The following MILR1 variants were observed in gnomAD, a reference collection of about 807,000 sequenced individuals.
MILR1 encodes the protein allergin-1.
Under a neutral mutation model 18.5 loss-of-function variants are expected in MILR1, and 31 were observed. That is an observed-to-expected ratio of 1.68 (90% CI 1.26 to 2.26). The LOEUF is 2.26. Ranked by LOEUF, MILR1 falls within the 30% of genes most tolerant of loss-of-function variation. The pLI, the probability that MILR1 is intolerant of heterozygous loss-of-function variation, is 0.00. For missense variants in MILR1, 257 were observed against 157.4 expected, an observed-to-expected ratio of 1.63 and a Z score of -3.38; for synonymous variants, 85 against 56.2, an observed-to-expected ratio of 1.51 and a Z score of -2.30.
chr17:64,481,375 T>C, the MILR1 span: 1 of 985,366 alleles, frequency 1.0e-6, no homozygotes, highest in Non-Finnish European at 1.2e-6. Context: ...TTTAAATCTT[T>C]TTAGTGTCCG....
chr17:64,487,361 C>T, the MILR1 span: 1 of 152,134 alleles, frequency 6.6e-6, no homozygotes. Context: ...TGCCTGTAAT[C>T]CCAGCACATC....
chr17:64,467,829 G>A, intron 9 of MILR1, 184 bp downstream of exon 9: 1 of 440,962 alleles, frequency 2.3e-6, no homozygotes, highest in Non-Finnish European at 4.1e-6. Flanking sequence ...CAGCTACTCG[G>A]GAGGCTGAGG....
At chr17:64,471,550 C>A (rs2037687294), downstream of MILR1, among the ~76,000 whole-genome samples, 1 of 152,140 alleles carries the variant, frequency 6.6e-6, no homozygotes, top group Non-Finnish European at 1.5e-5. Flanking sequence ...GTGAGTAGAC[C>A]CTCAGATGCT....
the MILR1 span, chr17:64,492,739 C>T: frequency 6.2e-7 from 1 of 1,613,010 alleles, no homozygotes; most frequent in Non-Finnish European, 8.5e-7. Context: ...GAGGAGTAAA[C>T]CATACTAACG....
the MILR1 span, chr17:64,485,809 G>A: frequency 1.2e-6 from 2 of 1,612,528 alleles, no homozygotes; most frequent in Non-Finnish European, 1.7e-6. Context: ...GCATGCCTCG[G>A]TCTAGGTCCC....
chr17:64,466,564 A>G (rs782521490), intron 7 of MILR1, 30 bp from the exon 8 acceptor site: 7 of 1,611,194 alleles, frequency 4.3e-6, no homozygotes, highest in South Asian at 3.3e-5. Flanking sequence ...TAATTGGCCC[A>G]ATAATTCCTA....
chr17:64,451,183 GC>G (rs2037163756), intron 2 of MILR1, among the ~76,000 whole-genome samples: 1 of 150,572 alleles, frequency 6.6e-6, no homozygotes, highest in African/African-American at 2.4e-5. Context: ...CTGCTCTGTC[GC>G]CCAGGCTGGA....
chr17:64,486,361 C>CTT, the MILR1 span, among the ~76,000 whole-genome samples: 42 of 141,302 alleles, frequency 3.0e-4, no homozygotes, highest in African/African-American at 7.7e-4. Flanking sequence ...AAAGGTAACA[C>CTT]TTTTTTTTTT....
the MILR1 span, among the ~76,000 whole-genome samples, chr17:64,481,869 C>T: frequency 1.1e-4 from 17 of 149,378 alleles, no homozygotes; most frequent in Admixed American, 6.7e-4. Flanking sequence ...AGCAAGACTC[C>T]GTCTCAAAAT....
At chr17:64,472,536 T>C (rs1373177245), downstream of MILR1, among the ~76,000 whole-genome samples, 1 of 95,362 alleles carries the variant, frequency 1.0e-5, no homozygotes, top group African/African-American at 3.8e-5. Flanking sequence ...TGTTGCATAA[T>C]AACATTTCAG....
the MILR1 span, among the ~76,000 whole-genome samples, chr17:64,493,877 T>C: frequency 6.6e-6 from 1 of 152,218 alleles, no homozygotes; most frequent in Non-Finnish European, 1.5e-5. Flanking sequence ...TCATCAATTA[T>C]CAACATTTTG....
chr17:64,482,185 C>T, the MILR1 span, among the ~76,000 whole-genome samples: 3 of 147,416 alleles, frequency 2.0e-5, no homozygotes, highest in Non-Finnish European at 4.5e-5. Context: ...CTCACTGCAA[C>T]CTCCACCTCC....
chr17:64,490,638 G>C, the MILR1 span: 1 of 650,316 alleles, frequency 1.5e-6, no homozygotes, highest in Non-Finnish European at 2.8e-6. Flanking sequence ...TCCTGATTTT[G>C]ATGACTGGAT....
chr17:64,463,350 G>A (rs1000465470), intron 5 of MILR1, among the ~76,000 whole-genome samples: 18 of 152,226 alleles, frequency 1.2e-4, no homozygotes, highest in African/African-American at 4.1e-4. Flanking sequence ...GCCACCACTG[G>A]TTAAGCCTTC....
In MILR1 at chr17:64,452,714, G is replaced by A. The variant is rs1012794002; in HGVS notation, c.215G>A (p.Arg72His). Residue 72 changes from arginine (R) to histidine (H), a missense_variant, in exon 3 of 10, where the codon CGT becomes CAT. Arg to His is a conservative substitution (Grantham distance 29, BLOSUM62 0). Coordinates refer to ENST00000619286, the MANE Select transcript of MILR1 (RefSeq NM_001085423.2). ...CAGATCACCTATTCATTGTTTCGAC[G>A]TAAGACACACCTGGGAACCCAGGAT... ...SLQITYSLFR[R>H]KTHLGTQDGK... is the part of the protein sequence containing the mutation. 147 of 475,076 alleles carry A rather than the reference G, an allele frequency of 3.1e-4. No homozygotes were observed. Among genetic ancestry groups the A allele is most frequent in the East Asian group, 4.7e-4 (15 of 32,038 alleles). The allele number at this position is 475,076 out of a possible 1,614,324, so 29.4% of individuals were successfully genotyped here. A position where few individuals can be genotyped will look rare whatever the true frequency, so the allele number is the denominator to read the frequency against.
chr17:64,494,305 T>C, the MILR1 span, among the ~76,000 whole-genome samples: 3 of 152,188 alleles, frequency 2.0e-5, no homozygotes, highest in South Asian at 4.1e-4. Flanking sequence ...GTGTATCTTA[T>C]TGCATCATAA....
At chr17:64,465,223 T>C (rs2037525901) in intron 5 of MILR1, among the ~76,000 whole-genome samples, 8 of 152,234 alleles carry the variant, frequency 5.3e-5, no homozygotes, top group Admixed American at 5.2e-4. Context: ...AGGCAAAGCA[T>C]GTTCCTCTGA....
At chr17:64,463,876 T>G (rs1381550537) in intron 5 of MILR1, among the ~76,000 whole-genome samples, 1 of 143,476 alleles carries the variant, frequency 7.0e-6, no homozygotes, top group Non-Finnish European at 1.5e-5. Context: ...CAGGCTGGAG[T>G]GCAGTGGCAC....
intron 5 of MILR1, among the ~76,000 whole-genome samples, chr17:64,465,036 C>T (rs141885869): frequency 1.4e-3 from 208 of 151,986 alleles, no homozygotes; most frequent in African/African-American, 4.6e-3. Context: ...TGCGGTGAGC[C>T]GAGATCACGA....
Sources: gnomAD v4.1 joint callset for allele counts (sites outside exome capture counted in the v4.1 genomes callset) on GRCh38, gnomAD v4.1.1 for gene constraint, MANE v1.5 for transcripts, NCBI Gene and HGNC (gene_info 2026-07-23, HGNC 2026-07-21) for gene names.